The following RAB23 variants were observed in gnomAD, a reference collection of about 807,000 sequenced individuals.
RAB23 encodes ras-related protein Rab-23.
RAB23 carries 15 observed loss-of-function variants against 30.0 expected under a neutral mutation model. The ratio of observed to expected loss-of-function variants is 0.50; its 90% CI spans 0.33 to 0.77. RAB23 has a LOEUF of 0.77. Among genes scored for constraint, RAB23 ranks in the 30% least tolerant of loss-of-function variants. The pLI, the probability that RAB23 is intolerant of heterozygous loss-of-function variation, is 0.02. For missense variants in RAB23, 243 were observed against 275.4 expected (o/e 0.88, Z 0.83); for synonymous variants, 93 against 94.0 (o/e 0.99, Z 0.06).
intron 3 of RAB23, among the ~76,000 whole-genome samples, chr6:57,200,054 C>CT (rs1180749196): frequency 9.2e-5 from 14 of 151,960 alleles, no homozygotes; most frequent in African/African-American, 3.4e-4. Flanking sequence ...TAAAAAAAAA[C>CT]TTTGACTGAG....
chr6:57,209,211 T>G (rs1274520624), intron 2 of RAB23, among the ~76,000 whole-genome samples: 4 of 152,210 alleles, frequency 2.6e-5, no homozygotes, highest in Non-Finnish European at 5.9e-5. Flanking sequence ...GGGAAGTGCA[T>G]GATGGGCAAC....
rs189316878 is a variant in RAB23, at chr6:57,196,537, C to A, written c.311G>T (p.Arg104Ile). The change falls in exon 4 of 7, where the codon AGA (arginine) becomes ATA (isoleucine). Residue 104 changes from arginine to isoleucine, a missense_variant. Physicochemically the swap from Arg to Ile is moderately conservative, Grantham distance 97 (BLOSUM62 -3). Coordinates refer to ENST00000468148, the MANE Select transcript of RAB23 (RefSeq NM_016277.5). Reference sequence around the variant, plus strand: ...TCCCACTTCGGCTACTACTTTCTCTCTCCAACTGGAAACTGCTTCAAAAGA... The same window carrying A: ...TCCCACTTCGGCTACTACTTTCTCTATCCAACTGGAAACTGCTTCAAAAGA... ...RESFEAVSSW[R>I]EKVVAEVGDI... 6 of 1,614,074 alleles carry A rather than the reference C, an allele frequency of 3.7e-6. No individual in the cohort carries two copies. The African/African-American group carries it at 6.7e-5, about 18-fold the overall frequency.
At chr6:57,217,213 CAA>C (rs759917434) in intron 1 of RAB23, among the ~76,000 whole-genome samples, 29 of 58,412 alleles carry the variant, frequency 5.0e-4, no homozygotes, top group Admixed American at 7.3e-4. Context: ...ACAAGGAAAG[CAA>C]AAAAAAAAAA....
chr6:57,213,040 G>C (rs1450226755), intron 1 of RAB23, among the ~76,000 whole-genome samples: 1 of 152,114 alleles, frequency 6.6e-6, no homozygotes, highest in Non-Finnish European at 1.5e-5. Flanking sequence ...GGTTGGTGGG[G>C]GGCAGTGGAG....
At chr6:57,205,234 G>A (rs1249469494) in intron 3 of RAB23, among the ~76,000 whole-genome samples, 2 of 151,558 alleles carry the variant, frequency 1.3e-5, no homozygotes, top group African/African-American at 4.8e-5. Flanking sequence ...ATATGTGTGT[G>A]TGTATGTATG....
intron 6 of RAB23, among the ~76,000 whole-genome samples, chr6:57,192,781 T>C (rs1764888634): frequency 6.6e-6 from 1 of 152,106 alleles, no homozygotes; most frequent in African/African-American, 2.4e-5. Context: ...GATACACAAC[T>C]GAAAACTTTC....
intron 2 of RAB23, among the ~76,000 whole-genome samples, chr6:57,208,804 CAT>C (rs1562657426): frequency 6.6e-6 from 1 of 152,034 alleles, no homozygotes; most frequent in African/African-American, 2.4e-5. Context: ...CTAAGGGAAA[CAT>C]AGGGTTAGGT....
chr6:57,221,450 T>C (rs1204423184), intron 1 of RAB23: 1 of 152,350 alleles, frequency 6.6e-6, no homozygotes, highest in Non-Finnish European at 1.5e-5. Context: ...CAGCACTCTA[T>C]GAACAAGAAA....
chr6:57,199,383 T>G (rs1765150577), intron 3 of RAB23, among the ~76,000 whole-genome samples: 2 of 152,198 alleles, frequency 1.3e-5, no homozygotes, highest in Admixed American at 6.5e-5. Context: ...TTTTTCTCCC[T>G]TCCTTGCCTC....
At chr6:57,202,821 C>T (rs911991970) in intron 3 of RAB23, among the ~76,000 whole-genome samples, 2 of 152,098 alleles carry the variant, frequency 1.3e-5, no homozygotes, top group East Asian at 1.9e-4. Flanking sequence ...GTTCAATATA[C>T]TGTTTTTCAA....
chr6:57,214,467 T>C (rs1420797353), intron 1 of RAB23, among the ~76,000 whole-genome samples: 1 of 152,080 alleles, frequency 6.6e-6, no homozygotes, highest in Non-Finnish European at 1.5e-5. Context: ...CACGCCTGGC[T>C]AGTTTTTGCA....
chr6:57,206,298 A>G (rs886873281), intron 3 of RAB23, among the ~76,000 whole-genome samples: 1 of 152,174 alleles, frequency 6.6e-6, no homozygotes, highest in African/African-American at 2.4e-5. Flanking sequence ...GTCAATGAAC[A>G]GAGAAGCTCT....
In RAB23 at chr6:57,208,507, T is replaced by TG. The variant is rs537172040; in HGVS notation, c.156-795dup. 8.6e-5 allele frequency among the ~76,000 whole-genome samples: 13 copies of TG among 151,278 alleles called. No homozygotes were observed. The South Asian group carries it at 2.7e-3, about 32-fold the overall frequency. ...ACCAAAAATAGAAAAATTAGCTGTG[T>TG]GTGGTGGTGCATGCCTGTAGTCCCA... is the stretch of plus-strand genomic sequence containing the variant. On this transcript the variant is annotated intron_variant, in intron 2 of 6. Transcript: ENST00000468148.
At chr6:57,220,599 CTT>C (rs1766017364) in intron 1 of RAB23, among the ~76,000 whole-genome samples, 1 of 152,128 alleles carries the variant, frequency 6.6e-6, no homozygotes, top group African/African-American at 2.4e-5. Context: ...CATGAAACAA[CTT>C]GGAGAAATCT....
In RAB23 at chr6:57,210,367, T is replaced by A. The variant is rs1327720346; in HGVS notation, c.14A>T (p.Asp5Val). Residue 5 changes from aspartate (D) to valine (V), a missense_variant, in exon 2 of 7, where the codon GAT (aspartate) becomes GTT (valine). Asp to Val is a radical substitution (Grantham distance 152). Transcript: ENST00000468148. Reference sequence around the variant, plus strand: ...CACCATCTTTATGGCGACTTCCATATCTTCCTCCAACATTTTTGGAGCTGA... The same window carrying A: ...CACCATCTTTATGGCGACTTCCATAACTTCCTCCAACATTTTTGGAGCTGA... MLEE[D>V]MEVAIKMVVV... 16 of 1,614,104 alleles carry A rather than the reference T, an allele frequency of 9.9e-6. No individual in the cohort carries two copies. The highest frequency in any genetic ancestry group is 1.4e-5 in the Non-Finnish European group (16 of 1,179,988).
Position 57,207,592 on chromosome 6 carries a change from C to T in RAB23, c.241+36G>A, listed in dbSNP as rs567974199. 79 of 1,450,284 alleles carry T rather than the reference C, an allele frequency of 5.4e-5. No homozygotes were observed. In the African/African-American group the frequency reaches 8.8e-4, roughly 16 times the overall value. The allele number at this position is 1,450,284 out of a possible 1,614,324, so 89.8% of individuals were successfully genotyped here. ...TTATTTATTTAGCCAAAATAATATG[C>T]CCAAACAAAATAAATAAATAAATCC... On this transcript the variant is annotated intron_variant, in intron 3 of 6. Transcript: ENST00000468148.
chr6:57,190,420 C>A lies in RAB23; in HGVS notation c.*41G>T, dbSNP rs2127996282. ...TGACAGCTGGATGGGTTTCTTAATG[C>A]ATTGCACAATGTAATTCAATTGTTT... On this transcript the variant is annotated 3_prime_UTR_variant, in exon 7 of 7. Coordinates refer to ENST00000468148, the MANE Select transcript of RAB23 (RefSeq NM_016277.5). 1.2e-6 allele frequency: 2 copies of A among 1,608,092 alleles called. No homozygotes were observed. Among genetic ancestry groups the A allele is most frequent in the African/African-American group, 1.3e-5 (1 of 74,884 alleles).
Position 57,213,115 on chromosome 6 carries a change from A to G in RAB23, c.-65-2670T>C, listed in dbSNP as rs1274418512. Among the ~76,000 whole-genome samples the G allele has an allele frequency of 4.6e-5, 7 of 152,108 alleles. No homozygotes were observed. The East Asian group carries it at 1.2e-3, about 25-fold the overall frequency. On this transcript the variant is annotated intron_variant, in intron 1 of 6. Transcript: ENST00000468148. ...AGGCATTAGTTAGATTCTCATAAGGATATAAGGAGTGCTGCAACCTAGATC... is the reference window on the plus strand; with the variant it reads ...AGGCATTAGTTAGATTCTCATAAGGGTATAAGGAGTGCTGCAACCTAGATC...
At chr6:57,194,284 C>G (rs914612087) in intron 5 of RAB23, among the ~76,000 whole-genome samples, 1 of 151,552 alleles carries the variant, frequency 6.6e-6, no homozygotes, top group Non-Finnish European at 1.5e-5. Context: ...AAATAGACAT[C>G]CAAGAGAATA....
Sources: gnomAD v4.1 joint callset for allele counts (sites outside exome capture counted in the v4.1 genomes callset) on GRCh38, gnomAD v4.1.1 for gene constraint, MANE v1.5 for transcripts, NCBI Gene and HGNC (gene_info 2026-07-23, HGNC 2026-07-21) for gene names.